SLC44A5: variants seen among roughly 807,000 people sequenced by gnomAD.
SLC44A5 encodes choline transporter-like protein 5.
Under a neutral mutation model 101.8 loss-of-function variants are expected in SLC44A5, and 57 were observed. The ratio of observed to expected loss-of-function variants is 0.56; its 90% CI spans 0.45 to 0.70. The LOEUF (loss-of-function observed/expected upper bound fraction) is 0.70. Among genes scored for constraint, SLC44A5 ranks in the 30% least tolerant of loss-of-function variants. The pLI, the probability that SLC44A5 is intolerant of heterozygous loss-of-function variation, is 0.00. For synonymous variants in SLC44A5, 281 were observed against 290.9 expected (o/e 0.97, Z 0.35); for missense variants, 737 against 853.1 (o/e 0.86, Z 1.70).
intron 1 of SLC44A5, among the ~76,000 whole-genome samples, chr1:75,600,916 C>A (rs148611867): frequency 2.0e-4 from 30 of 152,128 alleles, no homozygotes; most frequent in African/African-American, 3.9e-4. Context: ...AGAATGTAGC[C>A]CCATACTTAA....
intron 3 of SLC44A5, among the ~76,000 whole-genome samples, chr1:75,377,331 G>A (rs1316284622): frequency 1.2e-5 from 1 of 81,986 alleles, no homozygotes; most frequent in Non-Finnish European, 2.4e-5. Context: ...TGCTCCTTAA[G>A]AGTCATCACC....
intron 1 of SLC44A5, among the ~76,000 whole-genome samples, chr1:75,561,147 T>A (rs894683919): frequency 2.0e-5 from 3 of 152,188 alleles, no homozygotes; most frequent in African/African-American, 7.2e-5. Context: ...TTTCTCTGCA[T>A]GATACAAATT....
At chr1:75,427,610 G>A (rs1570247375) in intron 2 of SLC44A5, among the ~76,000 whole-genome samples, 1 of 152,132 alleles carries the variant, frequency 6.6e-6, no homozygotes, top group Non-Finnish European at 1.5e-5. Flanking sequence ...ATACAGTTTA[G>A]TGGTTAAGAG....
intron 2 of SLC44A5, among the ~76,000 whole-genome samples, chr1:75,496,435 A>G (rs1668676159): frequency 6.6e-6 from 1 of 152,092 alleles, no homozygotes; most frequent in African/African-American, 2.4e-5. Flanking sequence ...TTGGACCCTT[A>G]TCTTACAATA....
At chr1:75,661,075 T>C in the SLC44A5 span, among the ~76,000 whole-genome samples, 2 of 152,084 alleles carry the variant, frequency 1.3e-5, no homozygotes, top group African/African-American at 4.8e-5. Context: ...CTATATTACC[T>C]GACTTCAAAA....
At chr1:75,451,437 A>G (rs2101661265) in intron 2 of SLC44A5, among the ~76,000 whole-genome samples, 1 of 152,198 alleles carries the variant, frequency 6.6e-6, no homozygotes, top group Admixed American at 6.5e-5. Context: ...AAAGAACCCT[A>G]CCCAGCATTC....
chr1:75,410,260 A>G (rs895759255), intron 2 of SLC44A5, among the ~76,000 whole-genome samples: 1 of 152,124 alleles, frequency 6.6e-6, no homozygotes, highest in Non-Finnish European at 1.5e-5. Context: ...GGTGGCAGGC[A>G]AAGGAGGTAA....
At chr1:75,704,593 GAAT>G in the SLC44A5 span, among the ~76,000 whole-genome samples, 2 of 152,054 alleles carry the variant, frequency 1.3e-5, no homozygotes, top group African/African-American at 2.4e-5. Flanking sequence ...ATGCTGTTGT[GAAT>G]AATATTTTCT....
At chr1:75,532,821 C>A (rs1315071880) in intron 2 of SLC44A5, among the ~76,000 whole-genome samples, 1 of 152,054 alleles carries the variant, frequency 6.6e-6, no homozygotes, top group African/African-American at 2.4e-5. Flanking sequence ...GGGCAGATAG[C>A]CTGAGCTCAA....
chr1:75,595,667 A>C (rs1026399231), intron 1 of SLC44A5, among the ~76,000 whole-genome samples: 1 of 152,118 alleles, frequency 6.6e-6, no homozygotes, highest in African/African-American at 2.4e-5. Context: ...TCTTCCATTC[A>C]CTTGCATAAT....
intron 3 of SLC44A5, among the ~76,000 whole-genome samples, chr1:75,373,272 G>A (rs1013811236): frequency 2.6e-5 from 4 of 152,192 alleles, no homozygotes; most frequent in Admixed American, 1.3e-4. Flanking sequence ...GGCTAAAGAG[G>A]GAGGAAACTG....
intron 1 of SLC44A5, among the ~76,000 whole-genome samples, chr1:75,593,241 A>C (rs1674450232): frequency 6.6e-6 from 1 of 152,092 alleles, no homozygotes; most frequent in Non-Finnish European, 1.5e-5. Flanking sequence ...AAGTTACTCA[A>C]AACCATTGCT....
At chr1:75,484,537 C>T (rs933983919) in intron 2 of SLC44A5, among the ~76,000 whole-genome samples, 2 of 152,236 alleles carry the variant, frequency 1.3e-5, no homozygotes, top group African/African-American at 4.8e-5. Context: ...CTTTCACTAG[C>T]TGGCATTGAG....
chr1:75,391,793 C>A (rs563868761), intron 3 of SLC44A5, among the ~76,000 whole-genome samples: 2 of 152,288 alleles, frequency 1.3e-5, no homozygotes, highest in South Asian at 4.1e-4. Context: ...TAGGAAATAA[C>A]CTTCTAGACA....
At chr1:75,582,454 G>A in intron 1 of SLC44A5, 3 of 632,440 alleles carry the variant, frequency 4.7e-6, no homozygotes, top group South Asian at 2.1e-5. Flanking sequence ...GGCTGTGTGG[G>A]CCAAAGGCCA....
chr1:75,572,735 T>C (rs1183504075), intron 1 of SLC44A5, among the ~76,000 whole-genome samples: 2 of 152,118 alleles, frequency 1.3e-5, no homozygotes, highest in Non-Finnish European at 2.9e-5. Flanking sequence ...AAAGTTAATC[T>C]GTAGGAAAAC....
At chr1:75,447,672 G>A (rs1452770893) in intron 2 of SLC44A5, among the ~76,000 whole-genome samples, 1 of 151,984 alleles carries the variant, frequency 6.6e-6, no homozygotes, top group Admixed American at 6.6e-5. Flanking sequence ...GCTCTCATAG[G>A]TGAACTAAAA....
chr1:75,324,636 C>T (rs1166554696), intron 4 of SLC44A5, among the ~76,000 whole-genome samples: 2 of 152,144 alleles, frequency 1.3e-5, no homozygotes, highest in Non-Finnish European at 2.9e-5. Flanking sequence ...CATTTATGGG[C>T]AATTGCTCCA....
chr1:75,392,354 A>G (rs997827703), intron 3 of SLC44A5, among the ~76,000 whole-genome samples: 14 of 152,238 alleles, frequency 9.2e-5, no homozygotes, highest in African/African-American at 3.4e-4. Flanking sequence ...GGTGGACAAG[A>G]TACTTCAAAA....
Sources: gnomAD v4.1 joint callset for allele counts (sites outside exome capture counted in the v4.1 genomes callset) on GRCh38, gnomAD v4.1.1 for gene constraint, MANE v1.5 for transcripts, NCBI Gene and HGNC (gene_info 2026-07-23, HGNC 2026-07-21) for gene names.